PAFAH1B3: variants seen among roughly 807,000 people sequenced by gnomAD.
PAFAH1B3 encodes the protein platelet-activating factor acetylhydrolase IB subunit alpha1.
In PAFAH1B3, 15 loss-of-function variants were observed where a neutral mutation model predicts 24.4. The observed-to-expected ratio is 0.62, with a 90% CI of 0.41 to 0.95. The LOEUF (loss-of-function observed/expected upper bound fraction) is 0.95. PAFAH1B3 is among the 40% of genes least tolerant of loss of function. The pLI is 0.00. For missense variants in PAFAH1B3, 266 were observed against 312.2 expected (o/e 0.85, Z 1.12); for synonymous variants, 144 against 126.5 (o/e 1.14, Z -0.93).
In PAFAH1B3 at chr19:42,297,221, T is replaced by G; in HGVS notation, c.553A>C (p.Ile185Leu). The change falls in exon 5 of 5, where the codon ATC becomes CTC. Residue 185 changes from isoleucine to leucine, a missense_variant. Ile to Leu is a conservative substitution (Grantham distance 5). Transcript: ENST00000262890. ...DPGFVHSDGT[I>L]SHHDMYDYLH... ...TAATCATACATGTCATGATGGCTGA[T>G]GGTGCCATCTGAGTGCACAAAGCCA... 1.9e-6 allele frequency: 3 copies of G among 1,614,138 alleles called. No individual in the cohort carries two copies. Among genetic ancestry groups the G allele is most frequent in the Non-Finnish European group, 2.5e-6 (3 of 1,180,028 alleles).
At chr19:42,297,504 G>A (rs758246529) in intron 4 of PAFAH1B3, 139 bp from the exon 5 acceptor site, 2 of 557,652 alleles carry the variant, frequency 3.6e-6, no homozygotes, top group South Asian at 4.1e-5. Context: ...AGGGTGGGAG[G>A]GTAGTTCCTA....
intron 4 of PAFAH1B3, among the ~76,000 whole-genome samples, chr19:42,298,364 G>A (rs1043051723): frequency 1.4e-4 from 22 of 152,268 alleles, no homozygotes; most frequent in African/African-American, 4.8e-4. Context: ...GGTGGCACGC[G>A]CCTGCAGTCT....
chr19:42,302,757 A>C, upstream of PAFAH1B3: 1 of 156,326 alleles, frequency 6.4e-6, no homozygotes. Context: ...ATGGGAAGAA[A>C]CCATTTGCTG....
intron 4 of PAFAH1B3, among the ~76,000 whole-genome samples, chr19:42,298,616 G>A (rs562717739): frequency 3.3e-5 from 5 of 152,348 alleles, no homozygotes; most frequent in African/African-American, 1.2e-4. Context: ...AGGAATGCCT[G>A]ACAACTTTTG....
At chr19:42,299,574 C>T (rs549634945) in intron 4 of PAFAH1B3, among the ~76,000 whole-genome samples, 80 of 150,984 alleles carry the variant, frequency 5.3e-4, no homozygotes, top group African/African-American at 1.8e-3. Flanking sequence ...TACAGGTGCC[C>T]GCCACCACGC....
chr19:42,300,965 C>A (rs2038614616), intron 2 of PAFAH1B3, among the ~76,000 whole-genome samples: 1 of 152,122 alleles, frequency 6.6e-6, no homozygotes, highest in Non-Finnish European at 1.5e-5. Context: ...TAGGCATGTG[C>A]CACCATGCCC....
chr19:42,297,714 C>T (rs1478677627), intron 4 of PAFAH1B3, among the ~76,000 whole-genome samples: 3 of 151,996 alleles, frequency 2.0e-5, no homozygotes, highest in African/African-American at 2.4e-5. Context: ...GCTGGGACTA[C>T]GGGCACCCAC....
rs374299820 is a variant in PAFAH1B3 at position 42,297,043 on chromosome 19, G to A, written c.*35C>T. 205 of 1,579,622 alleles carry A rather than the reference G, an allele frequency of 1.3e-4. No homozygotes were observed. The African/African-American group carries it at 2.6e-3, about 20-fold the overall frequency. ...AAGCAGGAAACAGCACACTGAGGAA[G>A]GAGAGTTTAATGTTGTGGGAAGGCA... On this transcript the variant is annotated 3_prime_UTR_variant, in exon 5 of 5. Coordinates refer to ENST00000262890, the MANE Select transcript of PAFAH1B3 (RefSeq NM_002573.4).
intron 4 of PAFAH1B3, among the ~76,000 whole-genome samples, chr19:42,299,375 C>A (rs1245087427): frequency 6.6e-6 from 1 of 152,050 alleles, no homozygotes; most frequent in Non-Finnish European, 1.5e-5. Flanking sequence ...CCTCGGCCTC[C>A]CAAAGTGCTG....
At chr19:42,302,068 G>T (rs370194377) in intron 1 of PAFAH1B3, 29 bp from the exon 2 acceptor site, 157 of 1,549,196 alleles carry the variant, frequency 1.0e-4, no homozygotes, top group Non-Finnish European at 1.3e-4. Flanking sequence ...GGGAGTCAAT[G>T]GCATGCACGC....
Position 42,297,349 on chromosome 19 carries a change from C to T in PAFAH1B3, c.425G>A (p.Gly142Asp). The T allele has an allele frequency of 6.2e-7, 1 of 1,607,824 alleles. No homozygotes were observed. The highest frequency in any genetic ancestry group is 8.5e-7 in the Non-Finnish European group (1 of 1,174,740). ...RVVVLGLLPR[G>D]QHPNPLREKN... ...CTCCCGAAGTGGGTTGGGATGTTGG[C>T]CTCGCGGAAGCAGGCCCTGAGCAGG... The change falls in exon 5 of 5, where the codon GGC becomes GAC. Residue 142 changes from glycine (G) to aspartate (D), a missense_variant. Transcript: ENST00000262890.
At chr19:42,299,795 CG>C (rs1183482072) in intron 4 of PAFAH1B3, 174 bp downstream of exon 4, 19 of 835,658 alleles carry the variant, frequency 2.3e-5, no homozygotes, top group Non-Finnish European at 3.6e-5. Context: ...TAATTGGTCT[CG>C]GAGCATATTC....
Position 42,302,578 on chromosome 19 carries a change from C to G in PAFAH1B3, c.-269G>C, listed in dbSNP as rs960765523. ...GCTCGCCCGGCGCTTCCCGCTCGGG[C>G]CGCTGACTCCCAGGCCGCGCACCCG... is the stretch of plus-strand genomic sequence containing the variant. On this transcript the variant is annotated 5_prime_UTR_variant, in exon 1 of 5. Transcript: ENST00000262890. The G allele has an allele frequency of 2.3e-5, 10 of 440,014 alleles. No homozygotes were observed. The highest frequency in any genetic ancestry group is 2.9e-5 in the Non-Finnish European group (7 of 243,806). 27.3% of individuals were successfully genotyped at this position (440,014 alleles called of 1,614,324 possible).
chr19:42,302,334 T>C lies in PAFAH1B3; in HGVS notation c.-25A>G, dbSNP rs763632033. ...TCTTGGCGCCGCAGCTCCTGCAGGATGAGCGAGTCGGGTCGGCCCGGGAGT... is the reference window on the plus strand; with the variant it reads ...TCTTGGCGCCGCAGCTCCTGCAGGACGAGCGAGTCGGGTCGGCCCGGGAGT... On this transcript the variant is annotated 5_prime_UTR_variant, in exon 1 of 5. Transcript: ENST00000262890. 41 of 1,578,840 alleles carry C rather than the reference T, an allele frequency of 2.6e-5. No individual in the cohort carries two copies. Among genetic ancestry groups the C allele is most frequent in the Non-Finnish European group, 3.3e-5 (39 of 1,164,742 alleles).
chr19:42,297,860 A>G (rs2038561421), intron 4 of PAFAH1B3, among the ~76,000 whole-genome samples: 1 of 150,430 alleles, frequency 6.6e-6, no homozygotes, highest in Non-Finnish European at 1.5e-5. Context: ...GGCGTGAGCC[A>G]CCATGCGCGG....
At position 42,300,282 on chromosome 19, in the gene PAFAH1B3, C is replaced by G. The variant is rs1183678134; in HGVS notation, c.174G>C (p.Trp58Cys). Residue 58 changes from tryptophan (W) to cysteine (C), a missense_variant, in exon 3 of 5, where the codon TGG becomes TGC. Transcript: ENST00000262890. ...LVQLMHQCEI[W>C]RELFSPLHAL... ...CATGCAGAGGAGAGAAGAGCTCGCG[C>G]CAGATCTGTGGGCAAGAAGTGGTGT... is the stretch of plus-strand genomic sequence containing the variant. 1 of 1,614,102 alleles carries G rather than the reference C, an allele frequency of 6.2e-7. No homozygotes were observed. The highest frequency in any genetic ancestry group is 2.2e-5 in the East Asian group (1 of 44,886).
At chr19:42,300,884 G>A (rs532202088) in intron 2 of PAFAH1B3, among the ~76,000 whole-genome samples, 60 of 152,226 alleles carry the variant, frequency 3.9e-4, no homozygotes, top group African/African-American at 1.3e-3. Context: ...GTGCGATCTC[G>A]GCTCATTGCA....
chr19:42,297,402 A>G, intron 4 of PAFAH1B3, 37 bp from the exon 5 acceptor site: 1 of 1,340,718 alleles, frequency 7.5e-7, no homozygotes, highest in South Asian at 1.2e-5. Context: ...GGAAACAAGC[A>G]TTTGAGTATC....
At chr19:42,302,780 T>C (rs921622619), upstream of PAFAH1B3, 1 of 108,600 alleles carries the variant, frequency 9.2e-6, no homozygotes, top group African/African-American at 3.6e-5. Flanking sequence ...CAGAGTGAAA[T>C]GTGCGGAAGG....
Sources: allele counts gnomAD v4.1 joint callset (sites outside exome capture counted in the v4.1 genomes callset), GRCh38; gene constraint gnomAD v4.1.1; transcripts MANE v1.5; gene names NCBI Gene and HGNC (gene_info 2026-07-23, HGNC 2026-07-21).